Variants in AHI1 observed in about 807,000 individuals in gnomAD.
AHI1 encodes Abelson helper integration site 1, also known as jouberin.
AHI1 carries 123 observed loss-of-function variants against 149.3 expected under a neutral mutation model. The ratio of observed to expected loss-of-function variants is 0.82; its 90% confidence interval spans 0.71 to 0.96. The LOEUF (loss-of-function observed/expected upper bound fraction) is 0.96, where lower values mean the gene tolerates loss of function less well. Ranked by LOEUF, AHI1 falls within the 40% of genes least tolerant of loss-of-function variation. The pLI is 0.00. For missense variants in AHI1, 1,439 were observed against 1,422.7 expected (o/e 1.01, Z -0.18); for synonymous variants, 475 against 459.8 (o/e 1.03, Z -0.42).
chr6:135,365,722 T>C (rs572331508), intron 23 of AHI1, among the ~76,000 whole-genome samples: 3 of 152,346 alleles, frequency 2.0e-5, no homozygotes, highest in Admixed American at 6.5e-5. Flanking sequence ...GATGAGTCTT[T>C]AGCGTTTTCT....
chr6:135,386,684 GCAATGGCGTGGTCT>G (rs1324927453), intron 23 of AHI1, among the ~76,000 whole-genome samples: 1 of 151,956 alleles, frequency 6.6e-6, no homozygotes, highest in Non-Finnish European at 1.5e-5. Context: ...AGGCTGGAGT[GCAATGGCGTGGTCT>G]CAGCTCACTG....
intron 23 of AHI1, among the ~76,000 whole-genome samples, chr6:135,362,047 C>T (rs1793974230): frequency 6.6e-6 from 1 of 151,978 alleles, no homozygotes; most frequent in Admixed American, 6.6e-5. Flanking sequence ...CAATTCTATC[C>T]AGGTTGCTGT....
chr6:135,363,272 A>G (rs1794209423), intron 23 of AHI1, among the ~76,000 whole-genome samples: 1 of 150,610 alleles, frequency 6.6e-6, no homozygotes, highest in South Asian at 2.1e-4. Context: ...GCTGCCTTCA[A>G]GCATCTGTTT....
At chr6:135,470,973 T>C (rs1382877396) in intron 5 of AHI1, among the ~76,000 whole-genome samples, 1 of 152,240 alleles carries the variant, frequency 6.6e-6, no homozygotes, top group Non-Finnish European at 1.5e-5. Context: ...TTGTTTTTTA[T>C]GACTTTTATT....
Position 135,411,383 on chromosome 6 carries a change from T to C in AHI1, c.2926A>G (p.Met976Val), listed in dbSNP as rs770006937. 6.2e-7 allele frequency: 1 copy of C among 1,613,770 alleles called. No homozygotes were observed. The highest frequency in any genetic ancestry group is 1.3e-5 in the African/African-American group (1 of 74,944). ...TCAAGCCTCTGTTTTACTAGCTGCA[T>C]CTTCGTTGAAGAACTTTCAGTGTGG... Reference protein sequence around the residue: ...FVHTESSSTKMQLVKQRLETV... With the variant: ...FVHTESSSTKVQLVKQRLETV... Residue 976 changes from methionine to valine, a missense_variant, in exon 21 of 29, where the codon ATG becomes GTG. Transcript: ENST00000265602.
At chr6:135,338,229 G>A (rs1182918846) in intron 24 of AHI1, among the ~76,000 whole-genome samples, 1 of 150,280 alleles carries the variant, frequency 6.7e-6, no homozygotes, top group Non-Finnish European at 1.5e-5. Flanking sequence ...GAACCTGGGA[G>A]GCGGAGGTTG....
intron 5 of AHI1, among the ~76,000 whole-genome samples, chr6:135,479,023 G>A (rs1306806453): frequency 2.6e-5 from 4 of 152,272 alleles, no homozygotes; most frequent in South Asian, 4.1e-4. Flanking sequence ...AAGGCAAGAG[G>A]TGAGGTTTAG....
intron 26 of AHI1, among the ~76,000 whole-genome samples, chr6:135,303,311 C>A (rs552504891): frequency 6.6e-6 from 1 of 152,056 alleles, no homozygotes; most frequent in South Asian, 2.1e-4. Context: ...ATCTAGCACA[C>A]GAGACTTAAA....
At chr6:135,370,866 G>C (rs571040819) in intron 23 of AHI1, among the ~76,000 whole-genome samples, 3 of 151,774 alleles carry the variant, frequency 2.0e-5, no homozygotes, top group East Asian at 3.9e-4. Flanking sequence ...TGTTGATCTT[G>C]AATTCTTGTT....
intron 22 of AHI1, among the ~76,000 whole-genome samples, chr6:135,399,175 C>G (rs1257168010): frequency 6.6e-6 from 1 of 152,170 alleles, no homozygotes; most frequent in African/African-American, 2.4e-5. Context: ...AGGGAAGACC[C>G]TGCTTCAAAA....
chr6:135,489,981 G>C (rs1425096523), intron 5 of AHI1: 1 of 450,924 alleles, frequency 2.2e-6, no homozygotes, highest in Non-Finnish European at 3.9e-6. Flanking sequence ...GGTCAAAGTA[G>C]TAAAAAGTGC....
chr6:135,461,836 A>T (rs555671726), intron 8 of AHI1, among the ~76,000 whole-genome samples: 1 of 152,184 alleles, frequency 6.6e-6, no homozygotes, highest in East Asian at 1.9e-4. Context: ...AGGCACAAGG[A>T]GCACAGTATT....
intron 6 of AHI1, 87 bp from the exon 7 acceptor site, chr6:135,466,460 G>T: frequency 8.3e-7 from 1 of 1,211,302 alleles, no homozygotes; most frequent in Non-Finnish European, 1.2e-6. Flanking sequence ...ATTTGACAAT[G>T]TGGAATTATT....
intron 23 of AHI1, among the ~76,000 whole-genome samples, chr6:135,389,228 G>C (rs1374204056): frequency 6.9e-6 from 1 of 145,234 alleles, no homozygotes; most frequent in Non-Finnish European, 1.5e-5. Context: ...GGAGAATGGA[G>C]TGAACCCGGG....
In AHI1 at chr6:135,463,253, G is replaced by T; in HGVS notation, c.803C>A (p.Ser268Ter). 1 of 1,609,978 alleles carries T rather than the reference G, an allele frequency of 6.2e-7. No individual in the cohort carries two copies. Among genetic ancestry groups the T allele is most frequent in the Non-Finnish European group, 8.5e-7 (1 of 1,179,186 alleles). ...AGAATCTGAAGAAACTGATCTAACT[G>T]AAGATTCTTTCTTTTGTTCACCTTC... ...TVEGEQKKES[S>*]VRSVSSDSHQ... The change falls in exon 8 of 29, where the codon TCA (serine) becomes TAA (stop). Residue 268 changes from serine to a stop codon, truncating the protein, a stop_gained. Transcript: ENST00000265602. LOFTEE classifies it high-confidence loss of function.
rs1234761199 is a variant in AHI1, at chr6:135,431,720, T to C, written c.2267-406A>G. On this transcript the variant is annotated intron_variant, in intron 16 of 28. Coordinates refer to ENST00000265602, the MANE Select transcript of AHI1 (RefSeq NM_001134831.2). ...CTAGAAAAATACCTATATTCTAATA[T>C]GCACCAGTTTAACATCAATTCTTTG... Among the ~76,000 whole-genome samples, 3 of 152,168 alleles carry C rather than the reference T, an allele frequency of 2.0e-5. No individual in the cohort carries two copies. The East Asian group carries it at 5.8e-4, about 29-fold the overall frequency.
chr6:135,426,328 C>T (rs1347190127), intron 20 of AHI1, among the ~76,000 whole-genome samples: 1 of 151,636 alleles, frequency 6.6e-6, no homozygotes, highest in Non-Finnish European at 1.5e-5. Flanking sequence ...TTTGACTTTA[C>T]ACATTATTTT....
intron 23 of AHI1, among the ~76,000 whole-genome samples, chr6:135,376,281 A>G (rs926749914): frequency 6.6e-6 from 1 of 152,224 alleles, no homozygotes; most frequent in African/African-American, 2.4e-5. Flanking sequence ...AGGAACACAC[A>G]CAAAGAACAA....
intron 11 of AHI1, among the ~76,000 whole-genome samples, chr6:135,451,704 C>T (rs1788134426): frequency 6.6e-6 from 1 of 152,068 alleles, no homozygotes; most frequent in South Asian, 2.1e-4. Context: ...GGTAGAAATG[C>T]CCTGAAATAT....
Sources: gnomAD v4.1 joint callset for allele counts (sites outside exome capture counted in the v4.1 genomes callset) on GRCh38, gnomAD v4.1.1 for gene constraint, MANE v1.5 for transcripts, NCBI Gene and HGNC (gene_info 2026-07-23, HGNC 2026-07-21) for gene names.